SBF2: variants seen among roughly 807,000 people sequenced by gnomAD.
SBF2 encodes the protein SET binding factor 2.
SBF2 carries 112 observed loss-of-function variants against 225.2 expected under a neutral mutation model. The ratio of observed to expected loss-of-function variants is 0.50; its 90% CI spans 0.43 to 0.58. The LOEUF (loss-of-function observed/expected upper bound fraction) is 0.58, where lower values mean the gene tolerates loss of function less well. SBF2 is among the 20% of genes least tolerant of loss of function. The pLI, the probability that SBF2 is intolerant of heterozygous loss-of-function variation, is 0.00. For synonymous variants in SBF2, 763 were observed against 773.3 expected (o/e 0.99, Z 0.22); for missense variants, 1,996 against 2,206.2 (o/e 0.90, Z 1.91).
intron 28 of SBF2, among the ~76,000 whole-genome samples, chr11:9,821,068 A>G (rs1854724913): frequency 6.6e-6 from 1 of 152,198 alleles, no homozygotes; most frequent in Non-Finnish European, 1.5e-5. Flanking sequence ...TTGTTGGAGA[A>G]AGGCACAGAC....
chr11:9,845,665 G>A lies in SBF2; in HGVS notation c.3010C>T (p.Arg1004Cys), dbSNP rs1008990516. 6.2e-7 allele frequency: 1 copy of A among 1,613,798 alleles called. No individual in the cohort carries two copies. The highest frequency in any genetic ancestry group is 8.5e-7 in the Non-Finnish European group (1 of 1,179,710). ...GTACTGAAAATGGACTGAGGATAAC[G>A]GAACTTCATCAGCTGTTTCTTAAAG... Reference protein sequence around the residue: ...EIFKKQLMKFRYPQSIFSTFA... With the variant: ...EIFKKQLMKFCYPQSIFSTFA... The change falls in exon 24 of 40, where the codon CGT becomes TGT. Residue 1004 changes from arginine to cysteine, a missense_variant. By Grantham distance (180) the Arg-to-Cys change is radical. Coordinates refer to ENST00000256190, the MANE Select transcript of SBF2 (RefSeq NM_030962.4).
intron 17 of SBF2, among the ~76,000 whole-genome samples, chr11:9,878,590 G>GA (rs1156585603): frequency 6.6e-6 from 1 of 152,172 alleles, no homozygotes; most frequent in Non-Finnish European, 1.5e-5. Flanking sequence ...TGAGGGCAGA[G>GA]ACCATGTCTT....
chr11:10,209,639 A>G (rs1218957964), intron 1 of SBF2, among the ~76,000 whole-genome samples: 4 of 152,012 alleles, frequency 2.6e-5, no homozygotes, highest in African/African-American at 9.7e-5. Flanking sequence ...AACACAGCAA[A>G]TTAATCATGA....
At chr11:10,005,944 T>C (rs562354563) in intron 6 of SBF2, among the ~76,000 whole-genome samples, 25 of 152,248 alleles carry the variant, frequency 1.6e-4, no homozygotes, top group African/African-American at 5.5e-4. Flanking sequence ...AGGAAGGACC[T>C]TGGAGTCCTT....
intron 1 of SBF2, among the ~76,000 whole-genome samples, chr11:10,282,397 T>C (rs1359732850): frequency 6.6e-6 from 1 of 152,154 alleles, no homozygotes; most frequent in African/African-American, 2.4e-5. Flanking sequence ...GACAATCAGC[T>C]GGCTACTGAC....
At position 9,809,474 on chromosome 11, in the gene SBF2, C is replaced by T. The variant is rs539025970; in HGVS notation, c.4156-472G>A. 1.5e-3 allele frequency among the ~76,000 whole-genome samples: 229 copies of T among 151,522 alleles called. 1 individual carries two copies. The highest frequency in any genetic ancestry group is 5.1e-3 in the African/African-American group (211 of 41,348). On this transcript the variant is annotated intron_variant, in intron 30 of 39. Transcript: ENST00000256190. ...TCTATGTGGACTTCCCAACAAAAGA[C>T]GGAAATTCAGATGAATTTTATTGGA...
intron 1 of SBF2, among the ~76,000 whole-genome samples, chr11:10,241,403 C>T (rs953820487): frequency 1.3e-5 from 2 of 151,876 alleles, no homozygotes; most frequent in Non-Finnish European, 2.9e-5. Flanking sequence ...AAAAATTCAT[C>T]CAAGGAACTT....
intron 2 of SBF2, among the ~76,000 whole-genome samples, chr11:10,088,267 C>T (rs573604880): frequency 3.3e-5 from 5 of 152,222 alleles, no homozygotes; most frequent in Admixed American, 1.3e-4. Context: ...TCAAGCAATC[C>T]GCCTACCTCA....
At chr11:10,171,413 C>T (rs2135246610) in intron 2 of SBF2, among the ~76,000 whole-genome samples, 1 of 152,154 alleles carries the variant, frequency 6.6e-6, no homozygotes, top group East Asian at 1.9e-4. Context: ...GGTTTTTGTA[C>T]ATTCTGTTGA....
At chr11:9,990,863 A>G (rs1245814037) in intron 12 of SBF2, among the ~76,000 whole-genome samples, 1 of 152,210 alleles carries the variant, frequency 6.6e-6, no homozygotes, top group Non-Finnish European at 1.5e-5. Flanking sequence ...ATGGTGAGAT[A>G]AGAGCAGAGT....
chr11:10,210,737 G>T (rs547527263), intron 1 of SBF2, among the ~76,000 whole-genome samples: 67 of 151,590 alleles, frequency 4.4e-4, no homozygotes, highest in African/African-American at 1.6e-3. Context: ...TTGTGGCCAG[G>T]CGCGGTGGCT....
At chr11:9,933,354 A>G (rs1434725544) in intron 16 of SBF2, among the ~76,000 whole-genome samples, 2 of 152,214 alleles carry the variant, frequency 1.3e-5, no homozygotes, top group Non-Finnish European at 2.9e-5. Flanking sequence ...AACAGAATAT[A>G]CATTCTTCTC....
intron 29 of SBF2, among the ~76,000 whole-genome samples, chr11:9,814,734 T>C (rs1173203106): frequency 6.6e-6 from 1 of 152,192 alleles, no homozygotes; most frequent in Admixed American, 6.5e-5. Flanking sequence ...CAAAACATAG[T>C]TTACTTTTCA....
chr11:10,164,587 T>C (rs773248470), intron 2 of SBF2, among the ~76,000 whole-genome samples: 25 of 152,240 alleles, frequency 1.6e-4, no homozygotes, highest in Admixed American at 9.2e-4. Context: ...GTTACCAAAA[T>C]CCTAATTTAT....
intron 30 of SBF2, 128 bp from the exon 31 acceptor site, chr11:9,809,130 A>C (rs1854024630): frequency 1.5e-6 from 1 of 665,146 alleles, no homozygotes; most frequent in Admixed American, 2.6e-5. Flanking sequence ...AGAACCACAT[A>C]ATGTTTTAAA....
intron 2 of SBF2, among the ~76,000 whole-genome samples, chr11:10,156,811 A>T (rs1955497855): frequency 6.6e-6 from 1 of 152,246 alleles, no homozygotes; most frequent in African/African-American, 2.4e-5. Flanking sequence ...TATCAGAGGA[A>T]CAATCAATAT....
At chr11:9,947,421 T>C (rs1865627366) in intron 16 of SBF2, among the ~76,000 whole-genome samples, 1 of 152,232 alleles carries the variant, frequency 6.6e-6, no homozygotes, top group Non-Finnish European at 1.5e-5. Flanking sequence ...ATCTTTTAGC[T>C]GACTCAGCTA....
At chr11:10,139,249 C>T (rs963018359) in intron 2 of SBF2, among the ~76,000 whole-genome samples, 1 of 152,146 alleles carries the variant, frequency 6.6e-6, no homozygotes, top group East Asian at 1.9e-4. Flanking sequence ...AGCACTCTAT[C>T]ATATACAAAG....
chr11:10,272,726 C>T (rs1308243631), intron 1 of SBF2, among the ~76,000 whole-genome samples: 3 of 151,960 alleles, frequency 2.0e-5, no homozygotes, highest in Non-Finnish European at 4.4e-5. Flanking sequence ...GATGATACCA[C>T]TGCACTCCAG....
Sources: allele counts gnomAD v4.1 joint callset (sites outside exome capture counted in the v4.1 genomes callset), GRCh38; gene constraint gnomAD v4.1.1; transcripts MANE v1.5; gene names NCBI Gene and HGNC (gene_info 2026-07-23, HGNC 2026-07-21).